Variants in USO1 observed in about 807,000 individuals in gnomAD.
USO1 encodes general vesicular transport factor p115.
Under a neutral mutation model 124.5 loss-of-function variants are expected in USO1, and 57 were observed. The ratio of observed to expected loss-of-function variants is 0.46; its 90% confidence interval spans 0.37 to 0.57. USO1 has a LOEUF of 0.57. Ranked by LOEUF, USO1 falls within the 20% of genes least tolerant of loss-of-function variation. The pLI, the probability that USO1 is intolerant of heterozygous loss-of-function variation, is 0.00. For missense variants in USO1, 900 were observed against 1,040.6 expected (o/e 0.86, Z 1.86); for synonymous variants, 369 against 362.8 (o/e 1.02, Z -0.19).
chr4:75,767,848 A>T (rs751135071), intron 4 of USO1, among the ~76,000 whole-genome samples: 1 of 152,226 alleles, frequency 6.6e-6, no homozygotes, highest in African/African-American at 2.4e-5. Context: ...TTGCATTTGC[A>T]AACCAATTTT....
chr4:75,799,572 T>C (rs1383224799), intron 13 of USO1, 50 bp from the exon 14 acceptor site: 8 of 1,598,574 alleles, frequency 5.0e-6, no homozygotes. Flanking sequence ...ACTTTAAGTT[T>C]GAAAAATATA....
At chr4:75,751,176 T>C (rs1026925517) in intron 1 of USO1, among the ~76,000 whole-genome samples, 7 of 151,034 alleles carry the variant, frequency 4.6e-5, no homozygotes, top group Admixed American at 3.3e-4. Flanking sequence ...GAAAGTTTGG[T>C]TTCTATAAAT....
At chr4:75,804,881 A>G (rs1178095009) in intron 18 of USO1, 3 of 319,058 alleles carry the variant, frequency 9.4e-6, no homozygotes, top group Non-Finnish European at 1.7e-5. Context: ...AATTGGAATT[A>G]AAATTACTGT....
At chr4:75,764,218 G>A (rs900401157) in intron 4 of USO1, among the ~76,000 whole-genome samples, 2 of 152,174 alleles carry the variant, frequency 1.3e-5, no homozygotes, top group South Asian at 4.1e-4. Context: ...TAAGTTATTT[G>A]CTTGTGCCCA....
intron 22 of USO1, 40 bp downstream of exon 22, chr4:75,810,579 T>C (rs1197047974): frequency 3.2e-6 from 5 of 1,541,752 alleles, no homozygotes; most frequent in Non-Finnish European, 2.6e-6. Context: ...GCATATGATA[T>C]GAAATGAACT....
Position 75,724,781 on chromosome 4 carries a change from T to C in USO1, c.-39T>C, listed in dbSNP as rs780791950. ...GGCGGGGGAAGTTGTCTTCTTTTTT[T>C]TCCGGAGGGGCCGGTAAACCTGGTG... is the stretch of plus-strand genomic sequence containing the variant. On this transcript the variant is annotated 5_prime_UTR_variant, in exon 1 of 24. Coordinates refer to ENST00000514213, the MANE Select transcript of USO1 (RefSeq NM_003715.4). 1.2e-6 allele frequency: 2 copies of C among 1,611,994 alleles called. No homozygotes were observed. The highest frequency in any genetic ancestry group is 1.1e-5 in the South Asian group (1 of 90,980).
intron 4 of USO1, 119 bp downstream of exon 4, chr4:75,757,692 C>A: frequency 1.0e-6 from 1 of 1,001,838 alleles, no homozygotes; most frequent in Non-Finnish European, 1.3e-6. Flanking sequence ...TTACTTTTTT[C>A]ATTAAAAAAT....
intron 10 of USO1, among the ~76,000 whole-genome samples, chr4:75,788,171 A>ATTTTTTTTTTTT (rs11291010): frequency 2.4e-5 from 3 of 123,246 alleles, no homozygotes; most frequent in African/African-American, 6.0e-5. Flanking sequence ...TTATTTATTT[A>ATTTTTTTTTTTT]TTTTTTTTTT....
At chr4:75,804,055 C>G in intron 17 of USO1, 79 bp from the exon 18 acceptor site, 1 of 1,506,960 alleles carries the variant, frequency 6.6e-7, no homozygotes, top group East Asian at 2.4e-5. Flanking sequence ...AAAATGACCT[C>G]TAATTTTTAA....
At chr4:75,757,949 TAATA>T (rs1486768319) in intron 4 of USO1, among the ~76,000 whole-genome samples, 1 of 152,162 alleles carries the variant, frequency 6.6e-6, no homozygotes, top group Non-Finnish European at 1.5e-5. Flanking sequence ...GAGTTTTTCC[TAATA>T]AATACTTAAA....
chr4:75,775,981 A>G (rs1180673140), intron 8 of USO1, among the ~76,000 whole-genome samples: 1 of 152,230 alleles, frequency 6.6e-6, no homozygotes, highest in Non-Finnish European at 1.5e-5. Flanking sequence ...TGGTCTAGGT[A>G]TTAGACGGGT....
chr4:75,768,017 T>A (rs991393885), intron 4 of USO1, among the ~76,000 whole-genome samples: 1 of 152,268 alleles, frequency 6.6e-6, no homozygotes, highest in East Asian at 1.9e-4. Context: ...AATTTCTTTT[T>A]TTTTCTTCTC....
intron 4 of USO1, among the ~76,000 whole-genome samples, chr4:75,766,359 G>A (rs1328531441): frequency 6.6e-6 from 1 of 152,156 alleles, no homozygotes; most frequent in Non-Finnish European, 1.5e-5. Context: ...TATAGCTTAT[G>A]TTGTAAATCT....
At chr4:75,778,531 G>T (rs184935690) in intron 8 of USO1, among the ~76,000 whole-genome samples, 1 of 152,210 alleles carries the variant, frequency 6.6e-6, no homozygotes, top group Non-Finnish European at 1.5e-5. Context: ...TTGTTCAAGG[G>T]TCGGCTGTAT....
chr4:75,728,688 A>C (rs1011600269), intron 1 of USO1, among the ~76,000 whole-genome samples: 13 of 152,218 alleles, frequency 8.5e-5, no homozygotes, highest in Non-Finnish European at 1.8e-4. Flanking sequence ...TCAAGTAGTA[A>C]ATATTTTATC....
intron 14 of USO1, 35 bp downstream of exon 14, chr4:75,799,767 AT>A: frequency 6.2e-7 from 1 of 1,604,242 alleles, no homozygotes. Context: ...ACATGTAAGT[AT>A]TTATATCTTT....
At chr4:75,769,571 A>G (rs899921371) in intron 4 of USO1, among the ~76,000 whole-genome samples, 1 of 152,106 alleles carries the variant, frequency 6.6e-6, no homozygotes, top group African/African-American at 2.4e-5. Flanking sequence ...TTAGTGGAGT[A>G]CTATATGGAA....
intron 1 of USO1, among the ~76,000 whole-genome samples, chr4:75,741,821 G>C (rs539773870): frequency 1.3e-5 from 2 of 151,990 alleles, no homozygotes; most frequent in South Asian, 4.2e-4. Context: ...CCAGGCTGGT[G>C]TTGAACTCCT....
At chr4:75,806,622 T>G in intron 20 of USO1, 50 bp downstream of exon 20, 1 of 1,539,266 alleles carries the variant, frequency 6.5e-7, no homozygotes, top group African/African-American at 1.4e-5. Flanking sequence ...TTAATTATAA[T>G]AGAATAACAG....
Sources: gnomAD v4.1 joint callset for allele counts (sites outside exome capture counted in the v4.1 genomes callset) on GRCh38, gnomAD v4.1.1 for gene constraint, MANE v1.5 for transcripts, NCBI Gene and HGNC (gene_info 2026-07-23, HGNC 2026-07-21) for gene names.